Variants in CELF2 observed in about 807,000 individuals in gnomAD.
CELF2 encodes the protein CUGBP Elav-like family member 2.
Under a neutral mutation model 62.6 loss-of-function variants are expected in CELF2, and 8 were observed. That is an observed-to-expected ratio of 0.13 (90% CI 0.07 to 0.23). The LOEUF (loss-of-function observed/expected upper bound fraction) is 0.23, where lower values mean the gene tolerates loss of function less well. Among genes scored for constraint, CELF2 ranks in the 10% least tolerant of loss-of-function variants. CELF2 has a pLI of 1.00. For synonymous variants in CELF2, 258 were observed against 250.0 expected (o/e 1.03, Z -0.30); for missense variants, 333 against 671.0 (o/e 0.50, Z 5.56).
At chr10:11,253,680 T>C (rs1345984927) in intron 4 of CELF2, among the ~76,000 whole-genome samples, 5 of 152,176 alleles carry the variant, frequency 3.3e-5, no homozygotes, top group Non-Finnish European at 7.4e-5. Context: ...ATGAAGTTTC[T>C]ATTCCCCTAA....
At chr10:10,505,535 C>G in the CELF2 span, among the ~76,000 whole-genome samples, 1 of 151,930 alleles carries the variant, frequency 6.6e-6, no homozygotes. Context: ...GGAGAAGAGG[C>G]AAAGGGAAAG....
intron 1 of CELF2, among the ~76,000 whole-genome samples, chr10:11,074,571 A>C (rs1451631789): frequency 6.6e-6 from 1 of 152,240 alleles, no homozygotes; most frequent in African/African-American, 2.4e-5. Context: ...ACTATGGGAT[A>C]AATTACCTGC....
rs952700024 is a variant in CELF2, at chr10:11,331,734, A to C, written c.*2681A>C. 1.3e-5 allele frequency: 2 copies of C among 152,578 alleles called. No individual in the cohort carries two copies. Among genetic ancestry groups the C allele is most frequent in the African/African-American group, 4.8e-5 (2 of 41,408 alleles). The allele number at this position is 152,578 out of a possible 1,614,324, so 9.5% of individuals were successfully genotyped here. On this transcript the variant is annotated 3_prime_UTR_variant, in exon 13 of 13. Coordinates refer to ENST00000633077, the MANE Select transcript of CELF2 (RefSeq NM_001326342.2). ...TTTGTAAGACATTGTATAAGTGCCC[A>C]TGTCCCACTTTTTTAACCACTCCGC...
intron 3 of CELF2, among the ~76,000 whole-genome samples, chr10:11,234,997 C>T (rs1462704819): frequency 6.6e-6 from 1 of 152,016 alleles, no homozygotes; most frequent in Non-Finnish European, 1.5e-5. Flanking sequence ...TGGTACAATC[C>T]CTGCTTCAAA....
At chr10:11,196,127 A>G (rs1565221717) in intron 2 of CELF2, among the ~76,000 whole-genome samples, 2 of 152,128 alleles carry the variant, frequency 1.3e-5, no homozygotes, top group Admixed American at 6.5e-5. Flanking sequence ...ATTGGCTAGC[A>G]GCTGTATTAT....
upstream of CELF2, among the ~76,000 whole-genome samples, chr10:11,017,592 A>C (rs1888186): frequency 0.92 from 140,692 of 152,256 alleles, 66,067 homozygotes; most frequent in East Asian, 1. The surrounding 1 kb of genome is among the most constrained non-coding windows in gnomAD (Gnocchi z 5.5). Context: ...CGGCTCGGGT[A>C]TGGAAGTGGA....
intron 1 of CELF2, among the ~76,000 whole-genome samples, chr10:10,859,734 C>G (rs1362357139): frequency 6.6e-6 from 1 of 152,054 alleles, no homozygotes; most frequent in Non-Finnish European, 1.5e-5. Flanking sequence ...CTGACTCTTA[C>G]TAGAATTTTT....
chr10:10,766,093 G>A, the CELF2 span, among the ~76,000 whole-genome samples: 21 of 152,312 alleles, frequency 1.4e-4, no homozygotes, highest in South Asian at 3.5e-3. Flanking sequence ...CACTCAGCCC[G>A]GAAACCAGAA....
chr10:10,509,495 C>T, the CELF2 span, among the ~76,000 whole-genome samples: 1 of 152,180 alleles, frequency 6.6e-6, no homozygotes, highest in Non-Finnish European at 1.5e-5. Context: ...TCATCAGGCA[C>T]CAAATCTGCC....
the CELF2 span, among the ~76,000 whole-genome samples, chr10:10,501,972 A>G: frequency 5.9e-4 from 90 of 152,206 alleles, no homozygotes; most frequent in African/African-American, 2.1e-3. Context: ...AAGAATTTCT[A>G]TCATAAGTGA....
At chr10:11,169,374 G>A (rs956887180) in intron 2 of CELF2, 6 of 152,180 alleles carry the variant, frequency 3.9e-5, no homozygotes, top group African/African-American at 1.4e-4. Flanking sequence ...GCAGCTTATG[G>A]GAGATGAAAA....
intron 2 of CELF2, among the ~76,000 whole-genome samples, chr10:11,186,091 C>T (rs746429549): frequency 7.9e-5 from 12 of 152,248 alleles, no homozygotes; most frequent in African/African-American, 1.4e-4. Flanking sequence ...ATTTACCCTA[C>T]GTGGTCAAGT....
intron 2 of CELF2, among the ~76,000 whole-genome samples, chr10:11,204,805 C>T (rs1004271384): frequency 6.6e-6 from 1 of 152,210 alleles, no homozygotes; most frequent in Non-Finnish European, 1.5e-5. Context: ...CTCATCGCAG[C>T]GTTTAGGACA....
the CELF2 span, among the ~76,000 whole-genome samples, chr10:10,770,960 T>G: frequency 6.6e-6 from 1 of 152,198 alleles, no homozygotes; most frequent in Non-Finnish European, 1.5e-5. Context: ...AAATCCTGAT[T>G]CAGAAGCCCT....
rs539992647 is a variant in CELF2, at chr10:11,321,576, C to T, written c.1294+190C>T. ...TGGCATACACCTGTAGTCGCAGTTA[C>T]TTGGCAGGTTGAGATGGGAGGATCG... On this transcript the variant is annotated intron_variant, in intron 11 of 12. Transcript: ENST00000633077. The surrounding 1 kb of genome is among the most constrained non-coding windows in gnomAD (Gnocchi z 6.2). 2.0e-5 allele frequency among the ~76,000 whole-genome samples: 3 copies of T among 151,998 alleles called. No individual in the cohort carries two copies. The South Asian group carries it at 6.2e-4, about 32-fold the overall frequency.
intron 1 of CELF2, chr10:10,846,143 C>T: frequency 1.0e-6 from 1 of 984,068 alleles, no homozygotes; most frequent in Non-Finnish European, 1.2e-6. Context: ...TATTTGGGAA[C>T]CTCGCTATTC....
chr10:10,793,360 G>A, the CELF2 span, among the ~76,000 whole-genome samples: 3 of 152,150 alleles, frequency 2.0e-5, no homozygotes, highest in South Asian at 6.2e-4. Context: ...ATTAAAGTGA[G>A]GATATGTACA....
intron 2 of CELF2, among the ~76,000 whole-genome samples, chr10:10,971,399 C>T (rs920639678): frequency 2.0e-5 from 3 of 152,168 alleles, no homozygotes; most frequent in Non-Finnish European, 2.9e-5. Flanking sequence ...TTCTTTCTCT[C>T]GCTCGCTCAC....
chr10:11,288,670 T>C (rs958819622), intron 9 of CELF2, 118 bp downstream of exon 9: 1 of 1,107,178 alleles, frequency 9.0e-7, no homozygotes. Flanking sequence ...CGGGATACTA[T>C]ACTGGGCTGC....
Sources: allele counts gnomAD v4.1 joint callset (sites outside exome capture counted in the v4.1 genomes callset), GRCh38; gene constraint gnomAD v4.1.1; non-coding constraint Gnocchi (gnomAD v3.1); transcripts MANE v1.5; gene names NCBI Gene and HGNC (gene_info 2026-07-23, HGNC 2026-07-21).